CCDC12: variants seen among roughly 807,000 people sequenced by gnomAD.
CCDC12 encodes the protein coiled-coil domain-containing protein 12.
Under a neutral mutation model 25.7 loss-of-function variants are expected in CCDC12, and 28 were observed. That is an observed-to-expected ratio of 1.09 (90% CI 0.81 to 1.50). CCDC12 has a LOEUF of 1.50. CCDC12 is among the 40% of genes most tolerant of loss of function. The pLI, the probability that CCDC12 is intolerant of heterozygous loss-of-function variation, is 0.00. For synonymous variants in CCDC12, 75 were observed against 87.7 expected (o/e 0.86, Z 0.81); for missense variants, 198 against 210.0 (o/e 0.94, Z 0.35).
intron 1 of CCDC12, among the ~76,000 whole-genome samples, chr3:46,951,647 G>A (rs1223731802): frequency 6.7e-6 from 1 of 149,010 alleles, no homozygotes; most frequent in South Asian, 2.1e-4. Context: ...GGGCGTGGTG[G>A]CGGGCACCTG....
chr3:46,964,034 T>C (rs2034554865), intron 1 of CCDC12, among the ~76,000 whole-genome samples: 1 of 148,180 alleles, frequency 6.7e-6, no homozygotes, highest in Admixed American at 6.7e-5. Flanking sequence ...CGGCCACCCA[T>C]CGTCTGAGAT....
At chr3:46,972,772 T>TA (rs1331683566) in intron 1 of CCDC12, among the ~76,000 whole-genome samples, 1 of 17,164 alleles carries the variant, frequency 5.8e-5, no homozygotes, top group Admixed American at 1.2e-3. Flanking sequence ...CCTGACTCCT[T>TA]TAAAAAAAAA....
chr3:46,945,631 AC>A (rs1216807239), intron 1 of CCDC12, among the ~76,000 whole-genome samples: 1 of 152,260 alleles, frequency 6.6e-6, no homozygotes, highest in African/African-American at 2.4e-5. Context: ...TAAATGTTCA[AC>A]AAGACTTCAG....
At chr3:46,951,538 T>A (rs2107161368) in intron 1 of CCDC12, among the ~76,000 whole-genome samples, 1 of 151,182 alleles carries the variant, frequency 6.6e-6, no homozygotes, top group Admixed American at 6.6e-5. Context: ...CCCAGCACTT[T>A]GGGAAGCCGA....
chr3:46,963,582 A>C (rs1264338852), intron 1 of CCDC12, among the ~76,000 whole-genome samples: 3 of 152,100 alleles, frequency 2.0e-5, no homozygotes, highest in Non-Finnish European at 4.4e-5. Context: ...CAGCCTGCCG[A>C]GTGCCTGCGA....
At chr3:46,974,170 T>A (rs562101010) in intron 1 of CCDC12, among the ~76,000 whole-genome samples, 39 of 152,090 alleles carry the variant, frequency 2.6e-4, no homozygotes, top group Non-Finnish European at 5.0e-4. Flanking sequence ...AGTAGAACAG[T>A]GATTGCCAGG....
At chr3:46,967,193 C>G (rs1285393534) in intron 1 of CCDC12, among the ~76,000 whole-genome samples, 3 of 152,196 alleles carry the variant, frequency 2.0e-5, no homozygotes, top group Non-Finnish European at 4.4e-5. Context: ...AAGCCCCTCT[C>G]CCCTGTACTT....
chr3:46,955,996 A>C (rs1388924274), intron 1 of CCDC12, among the ~76,000 whole-genome samples: 2 of 152,228 alleles, frequency 1.3e-5, no homozygotes, highest in African/African-American at 4.8e-5. Context: ...ACAACTAAGA[A>C]ACTTAACCAG....
At position 46,937,880 on chromosome 3, in the gene CCDC12, A is replaced by C. The variant is rs138965122; in HGVS notation, c.164+3118T>G. Among the ~76,000 whole-genome samples the C allele has an allele frequency of 2.1e-3, 315 of 152,312 alleles. 3 individuals carry two copies. The highest frequency in any genetic ancestry group is 7.2e-3 in the African/African-American group (301 of 41,570). ...GCAAGCCCTCTGCTCTGGATCTGTT[A>C]AAGTCAGAAGAGTCTGCTTTTCTCT... On this transcript the variant is annotated intron_variant, in intron 2 of 6. Coordinates refer to ENST00000683445, the MANE Select transcript of CCDC12 (RefSeq NM_001277074.2).
chr3:46,953,649 A>G (rs780061034), intron 1 of CCDC12, among the ~76,000 whole-genome samples: 4 of 137,972 alleles, frequency 2.9e-5, no homozygotes, highest in African/African-American at 5.4e-5. Flanking sequence ...TCAAGCTTGG[A>G]AAAAAAAAAA....
chr3:46,979,856 C>T (rs947179548), upstream of CCDC12: 4 of 461,132 alleles, frequency 8.7e-6, no homozygotes, highest in East Asian at 1.5e-4. Flanking sequence ...GGAGCCGGGC[C>T]GGGCCATGGC....
rs574979108 is a variant in CCDC12 at position 46,951,277 on chromosome 3, CAGG to C, written c.97-10215_97-10213del. Among the ~76,000 whole-genome samples the C allele has an allele frequency of 2.6e-5, 4 of 152,158 alleles. No homozygotes were observed. In the South Asian group the frequency reaches 8.3e-4, roughly 32 times the overall value. On this transcript the variant is annotated intron_variant, in intron 1 of 6. Coordinates refer to ENST00000683445, the MANE Select transcript of CCDC12 (RefSeq NM_001277074.2). ...CAAAGGACACAAAGTTCCAGTTAGG[CAGG>C]AGGAGTGTGTTTAAGGGAGCTACTG...
intron 1 of CCDC12, among the ~76,000 whole-genome samples, chr3:46,969,219 G>A (rs886989717): frequency 2.0e-5 from 3 of 152,190 alleles, no homozygotes; most frequent in East Asian, 3.9e-4. Flanking sequence ...CCCCCAACCT[G>A]GCCAGGGACC....
intron 1 of CCDC12, among the ~76,000 whole-genome samples, chr3:46,970,152 T>C (rs1403355500): frequency 6.6e-6 from 1 of 152,112 alleles, no homozygotes; most frequent in Non-Finnish European, 1.5e-5. Context: ...GTGATCTTCC[T>C]GCCTCCACCT....
At chr3:46,961,972 G>A (rs2034477981) in intron 1 of CCDC12, among the ~76,000 whole-genome samples, 1 of 152,154 alleles carries the variant, frequency 6.6e-6, no homozygotes, top group Non-Finnish European at 1.5e-5. Context: ...AATTCGAGAT[G>A]GGTTAGAGGT....
upstream of CCDC12, chr3:46,979,384 C>T (rs1480350949): frequency 6.5e-6 from 1 of 152,918 alleles, no homozygotes; most frequent in Admixed American, 6.5e-5. Flanking sequence ...CCACGCGGCC[C>T]GCCGCCCCTT....
At chr3:46,931,729 G>A (rs2033224221) in intron 2 of CCDC12, among the ~76,000 whole-genome samples, 2 of 152,224 alleles carry the variant, frequency 1.3e-5, no homozygotes, top group African/African-American at 4.8e-5. Context: ...TCAAGGGCCA[G>A]AGAGAGAACT....
At chr3:46,932,452 G>A (rs1336727104) in intron 2 of CCDC12, among the ~76,000 whole-genome samples, 1 of 152,212 alleles carries the variant, frequency 6.6e-6, no homozygotes, top group Non-Finnish European at 1.5e-5. Context: ...TTCCCCACTC[G>A]TGGGCAGAGG....
chr3:46,927,768 G>T (rs1170174014), intron 2 of CCDC12, among the ~76,000 whole-genome samples: 6 of 152,242 alleles, frequency 3.9e-5, no homozygotes, highest in Non-Finnish European at 8.8e-5. Flanking sequence ...CTCACTCTTG[G>T]AGGGTTAATC....
Sources: gnomAD v4.1 joint callset for allele counts (sites outside exome capture counted in the v4.1 genomes callset) on GRCh38, gnomAD v4.1.1 for gene constraint, MANE v1.5 for transcripts, NCBI Gene and HGNC (gene_info 2026-07-23, HGNC 2026-07-21) for gene names.